Variants in NAALADL2 observed in about 807,000 individuals in gnomAD.
NAALADL2 encodes the protein N-acetylated alpha-linked acidic dipeptidase like 2.
In NAALADL2, 76 loss-of-function variants were observed where a neutral mutation model predicts 87.2. The observed-to-expected ratio is 0.87, with a 90% CI of 0.72 to 1.05. The LOEUF (loss-of-function observed/expected upper bound fraction) is 1.05, where lower values mean the gene tolerates loss of function less well. Ranked by LOEUF, NAALADL2 falls within the 50% of genes least tolerant of loss-of-function variation. NAALADL2 has a pLI of 0.00. For synonymous variants in NAALADL2, 354 were observed against 331.0 expected, an observed-to-expected ratio of 1.07 and a Z score of -0.75; for missense variants, 1,089 against 945.8, an observed-to-expected ratio of 1.15 and a Z score of -1.99.
intron 2 of NAALADL2, among the ~76,000 whole-genome samples, chr3:175,215,347 C>A (rs1229542144): frequency 6.6e-6 from 1 of 152,134 alleles, no homozygotes; most frequent in African/African-American, 2.4e-5. Flanking sequence ...AACATCCCAG[C>A]ACTTGAATCA....
At chr3:174,835,433 A>G (rs143353815) in intron 3 of NAALADL2, among the ~76,000 whole-genome samples, 44 of 152,266 alleles carry the variant, frequency 2.9e-4, no homozygotes, top group African/African-American at 6.0e-4. Context: ...ATGCCTTCTG[A>G]CATTGGATTT....
At chr3:175,029,655 A>G (rs1004350845) in intron 1 of NAALADL2, among the ~76,000 whole-genome samples, 12 of 152,108 alleles carry the variant, frequency 7.9e-5, no homozygotes, top group Non-Finnish European at 5.9e-5. Flanking sequence ...ATATGATTAT[A>G]TTGAAAAATG....
intron 2 of NAALADL2, among the ~76,000 whole-genome samples, chr3:175,224,679 A>G (rs1743901601): frequency 6.6e-6 from 1 of 152,110 alleles, no homozygotes; most frequent in Admixed American, 6.6e-5. Flanking sequence ...GGAATAATGT[A>G]TATCAGAAAT....
At chr3:175,791,411 T>A (rs1752760056) in intron 13 of NAALADL2, among the ~76,000 whole-genome samples, 1 of 152,158 alleles carries the variant, frequency 6.6e-6, no homozygotes, top group African/African-American at 2.4e-5. Context: ...TGAGCTAGGG[T>A]AAAGGCATGT....
intron 1 of NAALADL2, among the ~76,000 whole-genome samples, chr3:175,084,116 C>A (rs1303739331): frequency 6.6e-6 from 1 of 152,146 alleles, no homozygotes; most frequent in Non-Finnish European, 1.5e-5. Context: ...GGATTTTAAG[C>A]AGTCAAGTGA....
intron 1 of NAALADL2, among the ~76,000 whole-genome samples, chr3:175,071,557 T>C (rs1233295043): frequency 1.3e-5 from 2 of 152,024 alleles, no homozygotes; most frequent in East Asian, 1.9e-4. Context: ...GTATAAAATA[T>C]TATATTTAAA....
chr3:175,667,240 AAAAAGAAAGAAAGAAAG>A (rs1479611521), intron 11 of NAALADL2, among the ~76,000 whole-genome samples: 27 of 88,234 alleles, frequency 3.1e-4, no homozygotes, highest in African/African-American at 1.9e-3. Context: ...AGAAAGAAAG[AAAAAGAAAGAAAGAAAG>A]AAAGAAAGGA....
intron 2 of NAALADL2, among the ~76,000 whole-genome samples, chr3:175,204,099 G>A (rs1042829919): frequency 2.0e-5 from 3 of 152,144 alleles, no homozygotes; most frequent in African/African-American, 7.2e-5. Context: ...ATTCTGTGAA[G>A]CCAGCATCAC....
intron 2 of NAALADL2, among the ~76,000 whole-genome samples, chr3:175,143,305 G>A (rs753207428): frequency 3.3e-5 from 5 of 151,872 alleles, no homozygotes; most frequent in Non-Finnish European, 5.9e-5. Context: ...TTCATGCAAA[G>A]ATAAATTGCA....
At chr3:174,823,800 TC>T (rs147267471) in intron 3 of NAALADL2, among the ~76,000 whole-genome samples, 2,918 of 152,258 alleles carry the variant, frequency 0.019, 100 homozygotes, top group African/African-American at 0.066. Flanking sequence ...AACCTCCGCC[TC>T]CCGGGTTCAA....
At chr3:175,715,674 G>A (rs9858144) in intron 11 of NAALADL2, among the ~76,000 whole-genome samples, 2,061 of 152,028 alleles carry the variant, frequency 0.014, 40 homozygotes, top group African/African-American at 0.047. Context: ...TGAGGTGTTC[G>A]AGACCAGCCT....
At chr3:175,511,620 T>C (rs1327469948) in intron 9 of NAALADL2, among the ~76,000 whole-genome samples, 1 of 152,192 alleles carries the variant, frequency 6.6e-6, no homozygotes, top group Non-Finnish European at 1.5e-5. Context: ...TATTTCTTAA[T>C]ACAGCCATGG....
chr3:175,610,648 C>T (rs1360078293), intron 10 of NAALADL2, among the ~76,000 whole-genome samples: 2 of 152,094 alleles, frequency 1.3e-5, no homozygotes, highest in Admixed American at 1.3e-4. Context: ...TTACCATCTT[C>T]TTCCCTTTTG....
chr3:174,513,300 G>T (rs918006102), intron 1 of NAALADL2, among the ~76,000 whole-genome samples: 6 of 152,054 alleles, frequency 3.9e-5, no homozygotes, highest in African/African-American at 1.4e-4. Flanking sequence ...TGACATGCTG[G>T]TATTGTATAT....
chr3:175,203,043 C>G (rs1485782318), intron 2 of NAALADL2, among the ~76,000 whole-genome samples: 3 of 152,134 alleles, frequency 2.0e-5, no homozygotes, highest in African/African-American at 7.2e-5. Context: ...GAACTTGCCC[C>G]AGGCTACCAC....
At position 175,043,805 on chromosome 3, in the gene NAALADL2, A is replaced by G. The variant is rs192887160; in HGVS notation, c.44-52985A>G. 3.3e-5 allele frequency among the ~76,000 whole-genome samples: 5 copies of G among 152,258 alleles called. No individual in the cohort carries two copies. The East Asian group carries it at 9.6e-4, about 29-fold the overall frequency. ...CTTTGTAATAAAATTTGAAATCAGGAAGTGTTACTGCCTCTAGATTTGTTC... is the reference window on the plus strand; with the variant it reads ...CTTTGTAATAAAATTTGAAATCAGGGAGTGTTACTGCCTCTAGATTTGTTC... On this transcript the variant is annotated intron_variant, in intron 1 of 13. Transcript: ENST00000454872.
At chr3:175,017,427 C>T (rs989689877) in intron 1 of NAALADL2, among the ~76,000 whole-genome samples, 2 of 152,034 alleles carry the variant, frequency 1.3e-5, no homozygotes. Flanking sequence ...TGAATCTGTC[C>T]AGCCAATTCT....
intron 3 of NAALADL2, among the ~76,000 whole-genome samples, chr3:174,811,533 C>T (rs9682358): frequency 0.1 from 15,577 of 152,194 alleles, 903 homozygotes; most frequent in African/African-American, 0.15. Context: ...ATTTTTCCCT[C>T]TTGGAACAGG....
intron 1 of NAALADL2, among the ~76,000 whole-genome samples, chr3:175,081,377 T>A (rs1717786850): frequency 6.6e-6 from 1 of 152,346 alleles, no homozygotes; most frequent in Non-Finnish European, 1.5e-5. Flanking sequence ...CACTGGTATC[T>A]ATCTGTATAT....
Sources: allele counts gnomAD v4.1 joint callset (sites outside exome capture counted in the v4.1 genomes callset), GRCh38; gene constraint gnomAD v4.1.1; transcripts MANE v1.5; gene names NCBI Gene and HGNC (gene_info 2026-07-23, HGNC 2026-07-21).